Variants in CPEB1 observed in about 807,000 individuals in gnomAD.
The protein encoded by CPEB1 is cytoplasmic polyadenylation element binding protein 1.
CPEB1 carries 7 observed loss-of-function variants against 65.8 expected under a neutral mutation model. The ratio of observed to expected loss-of-function variants is 0.11; its 90% confidence interval spans 0.06 to 0.20. CPEB1 has a LOEUF of 0.20. Ranked by LOEUF, CPEB1 falls within the 10% of genes least tolerant of loss-of-function variation. The pLI is 1.00. For missense variants in CPEB1, 551 were observed against 712.2 expected (o/e 0.77, Z 2.58); for synonymous variants, 262 against 260.0 (o/e 1.01, Z -0.08).
At chr15:82,635,346 G>A (rs547595067) in intron 1 of CPEB1, among the ~76,000 whole-genome samples, 1 of 152,218 alleles carries the variant, frequency 6.6e-6, no homozygotes, top group Non-Finnish European at 1.5e-5. Context: ...ATGGAAGAAT[G>A]TAAGTCTTCT....
At chr15:82,604,910 C>A (rs1343345757) in intron 3 of CPEB1, among the ~76,000 whole-genome samples, 1 of 149,100 alleles carries the variant, frequency 6.7e-6, no homozygotes, top group Non-Finnish European at 1.5e-5. Context: ...CAATGAACTG[C>A]AAGTAGGATA....
chr15:82,639,876 G>T (rs1433410726), intron 1 of CPEB1, among the ~76,000 whole-genome samples: 1 of 151,944 alleles, frequency 6.6e-6, no homozygotes, highest in Non-Finnish European at 1.5e-5. Flanking sequence ...CTCTCTGGGT[G>T]CCCAGATTCT....
intron 3 of CPEB1, among the ~76,000 whole-genome samples, chr15:82,584,656 CAA>C (rs2041607898): frequency 7.6e-6 from 1 of 131,262 alleles, no homozygotes; most frequent in African/African-American, 2.9e-5. Context: ...CCAGCCTGGG[CAA>C]GACAGAGCGA....
intron 1 of CPEB1, among the ~76,000 whole-genome samples, chr15:82,630,480 C>A (rs1446394982): frequency 1.3e-5 from 2 of 152,094 alleles, no homozygotes; most frequent in African/African-American, 4.8e-5. Flanking sequence ...GTGGTACATG[C>A]CTGTAGTCCC....
At chr15:82,629,337 C>T in intron 1 of CPEB1, 9 of 984,976 alleles carry the variant, frequency 9.1e-6, no homozygotes, top group Non-Finnish European at 1.1e-5. Context: ...AGTGGTAAAA[C>T]CACCCAAACT....
chr15:82,625,326 T>A (rs1200700450), intron 3 of CPEB1, among the ~76,000 whole-genome samples: 1 of 151,192 alleles, frequency 6.6e-6, no homozygotes, highest in Non-Finnish European at 1.5e-5. Context: ...CCTTCTCTCA[T>A]TTGCCTTCCT....
chr15:82,545,032 G>C (rs915906025), intron 12 of CPEB1, among the ~76,000 whole-genome samples: 4 of 152,152 alleles, frequency 2.6e-5, no homozygotes, highest in Non-Finnish European at 4.4e-5. Context: ...CAGAGTAGTT[G>C]TATCACATGG....
At chr15:82,632,730 T>G (rs963418944) in intron 1 of CPEB1, among the ~76,000 whole-genome samples, 1 of 151,872 alleles carries the variant, frequency 6.6e-6, no homozygotes, top group Non-Finnish European at 1.5e-5. Flanking sequence ...GGTCTCGCTA[T>G]GTTGTCCAGG....
chr15:82,562,389 T>C (rs1337447173), intron 4 of CPEB1: 2 of 306,046 alleles, frequency 6.5e-6, no homozygotes, highest in Non-Finnish European at 1.3e-5. Context: ...TGAATCAGAA[T>C]CTGCATTTTT....
intron 3 of CPEB1, among the ~76,000 whole-genome samples, chr15:82,610,957 T>C (rs1194231133): frequency 5.4e-5 from 1 of 18,436 alleles, no homozygotes; most frequent in Non-Finnish European, 9.1e-5. Context: ...GACTCCAGTC[T>C]CAAAAAAAAA....
intron 3 of CPEB1, among the ~76,000 whole-genome samples, chr15:82,574,746 A>AAAAAAAAAAAAAAC (rs2040467891): frequency 7.1e-6 from 1 of 139,950 alleles, no homozygotes; most frequent in Non-Finnish European, 1.6e-5. Context: ...AAAAAAAAAA[A>AAAAAAAAAAAAAAC]AAAAATCATA....
At chr15:82,646,837 G>T (rs2047592123) in intron 1 of CPEB1, among the ~76,000 whole-genome samples, 1 of 152,082 alleles carries the variant, frequency 6.6e-6, no homozygotes, top group Admixed American at 6.5e-5. Flanking sequence ...TTGTGGGTGA[G>T]TCCCCCCACA....
At chr15:82,626,898 T>A (rs1275655670) in intron 3 of CPEB1, among the ~76,000 whole-genome samples, 1 of 152,236 alleles carries the variant, frequency 6.6e-6, no homozygotes, top group African/African-American at 2.4e-5. Context: ...CCAGAAAATC[T>A]GTAACATATG....
At chr15:82,629,542 C>T (rs1189054288) in intron 1 of CPEB1, 15 of 985,332 alleles carry the variant, frequency 1.5e-5, no homozygotes, top group Non-Finnish European at 1.7e-5. Context: ...CCACCAGATG[C>T]CCAAAGCAGA....
chr15:82,570,386 C>T (rs969798313), intron 4 of CPEB1, among the ~76,000 whole-genome samples: 1 of 151,154 alleles, frequency 6.6e-6, no homozygotes, highest in East Asian at 1.9e-4. Context: ...ACCCCCTCCC[C>T]CCCGCCCCTT....
rs527371473 is a variant in CPEB1 at position 82,547,854 on chromosome 15, G to T, written c.1481-617C>A. Among the ~76,000 whole-genome samples the T allele has an allele frequency of 6.6e-5, 10 of 151,844 alleles. No individual in the cohort carries two copies. The East Asian group carries it at 2.0e-3, about 30-fold the overall frequency. On this transcript the variant is annotated intron_variant, in intron 10 of 12. Coordinates refer to ENST00000684509, the MANE Select transcript of CPEB1 (RefSeq NM_001365242.1). ...GCCTGGCTAATTTTTGTATTTTTTTGTAGAGACAGGGTTTCACCATATTGT... is the reference window on the plus strand; with the variant it reads ...GCCTGGCTAATTTTTGTATTTTTTTTTAGAGACAGGGTTTCACCATATTGT...
At chr15:82,630,288 T>C (rs1318795977) in intron 1 of CPEB1, 1 of 163,238 alleles carries the variant, frequency 6.1e-6, no homozygotes, top group African/African-American at 2.4e-5. Context: ...CTAATAAACA[T>C]TAGCCGACTG....
At chr15:82,582,737 CTTTTTTTTTTTTTT>C (rs11300517) in intron 3 of CPEB1, among the ~76,000 whole-genome samples, 1 of 87,400 alleles carries the variant, frequency 1.1e-5, no homozygotes, top group Admixed American at 1.3e-4. Context: ...ACTAGGAGTT[CTTTTTTTTTTTTTT>C]TTTTTTTTGA....
intron 5 of CPEB1, chr15:82,557,451 AC>A (rs1283729100): frequency 3.0e-6 from 1 of 336,852 alleles, no homozygotes; most frequent in Non-Finnish European, 5.3e-6. Context: ...AAGAAACAGA[AC>A]ACTGCCAGGG....
Sources: allele counts gnomAD v4.1 joint callset (sites outside exome capture counted in the v4.1 genomes callset), GRCh38; gene constraint gnomAD v4.1.1; transcripts MANE v1.5; gene names NCBI Gene and HGNC (gene_info 2026-07-23, HGNC 2026-07-21).